NFIB: variants seen among roughly 807,000 people sequenced by gnomAD.
NFIB encodes nuclear factor I B.
A neutral mutation model predicts 61.5 loss-of-function variants in NFIB; 11 were observed. That is an observed-to-expected ratio of 0.18 (90% CI 0.11 to 0.30). The LOEUF is 0.30. Among genes scored for constraint, NFIB ranks in the 10% least tolerant of loss-of-function variants. NFIB has a pLI of 1.00. For missense variants in NFIB, 471 were observed against 608.9 expected, an observed-to-expected ratio of 0.77 and a Z score of 2.38; for synonymous variants, 260 against 216.5, an observed-to-expected ratio of 1.20 and a Z score of -1.76.
intron 6 of NFIB, among the ~76,000 whole-genome samples, chr9:14,135,849 G>T (rs1265388708): frequency 6.6e-6 from 1 of 152,030 alleles, no homozygotes; most frequent in Non-Finnish European, 1.5e-5. Flanking sequence ...TTAAATAAAT[G>T]AAATTCTTAC....
chr9:14,109,715 G>C (rs529201228), intron 10 of NFIB, among the ~76,000 whole-genome samples: 1 of 152,202 alleles, frequency 6.6e-6, no homozygotes, highest in East Asian at 1.9e-4. Context: ...ATACTGATCA[G>C]CTGGTATGTG....
At chr9:14,404,589 C>A in the NFIB span, among the ~76,000 whole-genome samples, 2 of 152,116 alleles carry the variant, frequency 1.3e-5, no homozygotes, top group African/African-American at 4.8e-5. Flanking sequence ...TTATGAGTTA[C>A]GATTGAGGGC....
intron 2 of NFIB, among the ~76,000 whole-genome samples, chr9:14,196,755 T>C (rs2048517057): frequency 6.6e-6 from 1 of 151,654 alleles, no homozygotes; most frequent in Non-Finnish European, 1.5e-5. Flanking sequence ...AGTCTACAAG[T>C]AAAACCTTAA....
At chr9:14,231,132 AAAAATATAT>A (rs1467606762) in intron 2 of NFIB, among the ~76,000 whole-genome samples, 130 of 93,188 alleles carry the variant, frequency 1.4e-3, no homozygotes, top group East Asian at 5.4e-3. Context: ...AAAAAAAAAA[AAAAATATAT>A]ATATATATAT....
intron 2 of NFIB, among the ~76,000 whole-genome samples, chr9:14,220,842 TACACACACACACACACACACAC>T (rs138623129): frequency 8.1e-6 from 1 of 123,018 alleles, no homozygotes; most frequent in African/African-American, 3.1e-5. Context: ...TCAATCTCCC[TACACACACACACACACACACAC>T]ACACACACAC....
chr9:14,194,524 G>A (rs1166139856), intron 2 of NFIB, among the ~76,000 whole-genome samples: 1 of 151,836 alleles, frequency 6.6e-6, no homozygotes, highest in African/African-American at 2.4e-5. Context: ...CATACTATTT[G>A]AAACTTAAAC....
At chr9:14,344,134 G>GAGAGAGAGAA (rs1248077284) in intron 1 of NFIB, among the ~76,000 whole-genome samples, 23 of 148,130 alleles carry the variant, frequency 1.6e-4, no homozygotes, top group African/African-American at 5.6e-4. Flanking sequence ...GAGAGAGAGA[G>GAGAGAGAGAA]AAACACTAAG....
At chr9:14,376,359 AAAGG>A (rs1471047074) in intron 1 of NFIB, among the ~76,000 whole-genome samples, 2 of 152,222 alleles carry the variant, frequency 1.3e-5, no homozygotes, top group Non-Finnish European at 2.9e-5. Context: ...ATAAATGAAA[AAAGG>A]AAGAAATAGT....
At chr9:14,448,104 A>T in the NFIB span, among the ~76,000 whole-genome samples, 7 of 152,274 alleles carry the variant, frequency 4.6e-5, no homozygotes, top group African/African-American at 1.4e-4. Context: ...GATTGAGAAA[A>T]AGTCTCGTTC....
At chr9:14,197,417 T>G (rs1056205948) in intron 2 of NFIB, among the ~76,000 whole-genome samples, 1 of 152,210 alleles carries the variant, frequency 6.6e-6, no homozygotes, top group Non-Finnish European at 1.5e-5. Flanking sequence ...ATAAAGACAC[T>G]GTTGTTATTC....
At chr9:14,455,612 T>C in the NFIB span, among the ~76,000 whole-genome samples, 4 of 152,084 alleles carry the variant, frequency 2.6e-5, no homozygotes, top group Admixed American at 2.6e-4. Flanking sequence ...GGTGGCAGAC[T>C]GCAGAATGAA....
intron 4 of NFIB, among the ~76,000 whole-genome samples, chr9:14,154,294 G>A (rs1351989256): frequency 6.6e-6 from 1 of 151,958 alleles, no homozygotes; most frequent in Non-Finnish European, 1.5e-5. Flanking sequence ...ATATACCATT[G>A]AACTTGAACT....
chr9:14,483,312 C>A, the NFIB span, among the ~76,000 whole-genome samples: 1 of 152,150 alleles, frequency 6.6e-6, no homozygotes, highest in Admixed American at 6.5e-5. Context: ...TATTTCATTG[C>A]TACCGGGATA....
At chr9:14,396,643 G>A (rs2133045182) in intron 1 of NFIB, among the ~76,000 whole-genome samples, 1 of 152,280 alleles carries the variant, frequency 6.6e-6, no homozygotes, top group East Asian at 1.9e-4. Flanking sequence ...GGAGACTTCA[G>A]CACCCAGGAT....
the NFIB span, among the ~76,000 whole-genome samples, chr9:14,458,139 T>A: frequency 6.6e-6 from 1 of 152,108 alleles, no homozygotes; most frequent in Non-Finnish European, 1.5e-5. Flanking sequence ...GCAAACCAAA[T>A]CCAGCAGCAC....
chr9:14,473,388 A>G, the NFIB span, among the ~76,000 whole-genome samples: 1 of 150,632 alleles, frequency 6.6e-6, no homozygotes, highest in Non-Finnish European at 1.5e-5. Context: ...TTTTCAGAGA[A>G]GAAAGCCATG....
chr9:14,322,584 G>T (rs938816034), intron 1 of NFIB, among the ~76,000 whole-genome samples: 1 of 148,758 alleles, frequency 6.7e-6, no homozygotes, highest in Non-Finnish European at 1.5e-5. Context: ...GGCCCGCCCC[G>T]CCCCACCCTA....
chr9:14,414,193 T>C, the NFIB span, among the ~76,000 whole-genome samples: 17 of 152,164 alleles, frequency 1.1e-4, no homozygotes, highest in African/African-American at 3.6e-4. Flanking sequence ...ATCCTAGCAC[T>C]TTGGGAGGCC....
chr9:14,462,369 G>A, the NFIB span, among the ~76,000 whole-genome samples: 3 of 151,016 alleles, frequency 2.0e-5, no homozygotes, highest in African/African-American at 7.3e-5. Context: ...TGCAAGCTCC[G>A]CCTCCCGGGT....
Sources: gnomAD v4.1 joint callset for allele counts (sites outside exome capture counted in the v4.1 genomes callset) on GRCh38, gnomAD v4.1.1 for gene constraint, MANE v1.5 for transcripts, NCBI Gene and HGNC (gene_info 2026-07-23, HGNC 2026-07-21) for gene names.